NKAIN3: variants seen among roughly 807,000 people sequenced by gnomAD.
NKAIN3 encodes sodium/potassium transporting ATPase interacting 3.
Under a neutral mutation model 30.2 loss-of-function variants are expected in NKAIN3, and 25 were observed. That is an observed-to-expected ratio of 0.83 (90% CI 0.60 to 1.16). The LOEUF (loss-of-function observed/expected upper bound fraction) is 1.16, where lower values mean the gene tolerates loss of function less well. Ranked by LOEUF, NKAIN3 falls within the 50% of genes most tolerant of loss-of-function variation. The pLI is 0.00. For missense variants in NKAIN3, 225 were observed against 254.1 expected (o/e 0.89, Z 0.78); for synonymous variants, 91 against 89.6 (o/e 1.02, Z -0.09).
chr8:62,988,114 A>T (rs1463868784), downstream of NKAIN3, among the ~76,000 whole-genome samples: 2 of 152,212 alleles, frequency 1.3e-5, no homozygotes, highest in African/African-American at 4.8e-5. Flanking sequence ...GGTCACAGTG[A>T]TGCAAGAGGT....
At chr8:62,812,331 T>C (rs1035301323) in intron 4 of NKAIN3, among the ~76,000 whole-genome samples, 1 of 151,890 alleles carries the variant, frequency 6.6e-6, no homozygotes, top group African/African-American at 2.4e-5. Context: ...CATTTTCATA[T>C]ATATTTTAGA....
At chr8:62,792,448 A>G (rs933435796) in intron 4 of NKAIN3, among the ~76,000 whole-genome samples, 2 of 21,118 alleles carry the variant, frequency 9.5e-5, no homozygotes, top group Non-Finnish European at 2.4e-4. Flanking sequence ...AGGAAATTGG[A>G]CTGTTATTTC....
At chr8:62,402,534 C>G (rs966319181) in intron 1 of NKAIN3, among the ~76,000 whole-genome samples, 3 of 149,422 alleles carry the variant, frequency 2.0e-5, no homozygotes, top group Non-Finnish European at 3.0e-5. Flanking sequence ...CCATGCCATT[C>G]TCATGATAGT....
At chr8:62,264,967 G>T (rs1812560102) in intron 1 of NKAIN3, among the ~76,000 whole-genome samples, 1 of 152,076 alleles carries the variant, frequency 6.6e-6, no homozygotes, top group Non-Finnish European at 1.5e-5. Flanking sequence ...CCACCCATAT[G>T]GCTGAGAAAG....
At chr8:62,846,042 A>G (rs1323454772) in intron 4 of NKAIN3, among the ~76,000 whole-genome samples, 5 of 152,168 alleles carry the variant, frequency 3.3e-5, no homozygotes, top group Non-Finnish European at 7.4e-5. Context: ...ATTGCTATCC[A>G]TAAGATAGAA....
intron 5 of NKAIN3, among the ~76,000 whole-genome samples, chr8:62,935,343 TTAAA>T (rs1409780795): frequency 6.6e-6 from 1 of 152,156 alleles, no homozygotes; most frequent in Non-Finnish European, 1.5e-5. Flanking sequence ...AGATAAATGT[TTAAA>T]TAAGTCAGCA....
At chr8:62,541,158 GAA>G (rs559897726) in intron 1 of NKAIN3, among the ~76,000 whole-genome samples, 1 of 147,450 alleles carries the variant, frequency 6.8e-6, no homozygotes, top group African/African-American at 2.5e-5. Context: ...AAAAATACAA[GAA>G]AAAAAAAATA....
chr8:62,264,515 C>G (rs566465090), intron 1 of NKAIN3, among the ~76,000 whole-genome samples: 1 of 152,316 alleles, frequency 6.6e-6, no homozygotes, highest in Non-Finnish European at 1.5e-5. Flanking sequence ...TCCTTCCCCA[C>G]TTGGTTCTCA....
chr8:62,267,538 T>A (rs1342223615), intron 1 of NKAIN3, among the ~76,000 whole-genome samples: 1 of 152,256 alleles, frequency 6.6e-6, no homozygotes, highest in East Asian at 1.9e-4. Flanking sequence ...CACATTGCTT[T>A]ACTTTTTAGT....
At chr8:62,737,035 C>T (rs368234508) in intron 3 of NKAIN3, among the ~76,000 whole-genome samples, 27 of 152,192 alleles carry the variant, frequency 1.8e-4, no homozygotes, top group Admixed American at 1.6e-3. Context: ...TGGGCACTCA[C>T]AGTTTTTTGG....
At chr8:62,635,970 T>G (rs1052564632) in intron 3 of NKAIN3, among the ~76,000 whole-genome samples, 5 of 152,148 alleles carry the variant, frequency 3.3e-5, no homozygotes, top group Non-Finnish European at 7.4e-5. Flanking sequence ...TTGCCCTGTC[T>G]ACACAGAATA....
At chr8:62,415,789 G>A (rs1461729261) in intron 1 of NKAIN3, among the ~76,000 whole-genome samples, 1 of 151,004 alleles carries the variant, frequency 6.6e-6, no homozygotes, top group South Asian at 2.1e-4. Flanking sequence ...ACAGAGTCTC[G>A]CTCTGTCGCC....
rs73273455 is a variant in NKAIN3, at chr8:62,565,000, C to T, written c.55-14539C>T. Among the ~76,000 whole-genome samples the T allele has an allele frequency of 1.9e-3, 288 of 152,200 alleles. 1 individual carries two copies. The highest frequency in any genetic ancestry group is 6.6e-3 in the African/African-American group (274 of 41,542). The stretch of plus-strand genomic sequence containing the variant: ...CATACATGATTTATATGCATAGCTA[C>T]ACAAGCATTTCATACACTTGGAAAA... On this transcript the variant is annotated intron_variant, in intron 1 of 6. Coordinates refer to ENST00000623646, the MANE Select transcript of NKAIN3 (RefSeq NM_001304533.3).
chr8:62,874,457 A>G (rs1381709249), intron 4 of NKAIN3, among the ~76,000 whole-genome samples: 28 of 152,216 alleles, frequency 1.8e-4, no homozygotes, highest in Admixed American at 1.8e-3. Context: ...TCCTCCCTAA[A>G]TCATTTTATG....
chr8:62,832,458 A>G (rs946843140), intron 4 of NKAIN3, among the ~76,000 whole-genome samples: 1 of 151,468 alleles, frequency 6.6e-6, no homozygotes, highest in Non-Finnish European at 1.5e-5. Context: ...CAGAGTGGCC[A>G]GGTGGATAAA....
downstream of NKAIN3, among the ~76,000 whole-genome samples, chr8:62,987,592 A>C (rs543012513): frequency 1.3e-5 from 2 of 152,210 alleles, no homozygotes; most frequent in African/African-American, 4.8e-5. Flanking sequence ...ATCAGATATC[A>C]TGAGACTAAT....
At chr8:62,435,352 G>A (rs1354758788) in intron 1 of NKAIN3, among the ~76,000 whole-genome samples, 3 of 152,230 alleles carry the variant, frequency 2.0e-5, no homozygotes, top group Non-Finnish European at 4.4e-5. Flanking sequence ...AATCTCTCCA[G>A]CATGAGCTTC....
chr8:62,892,559 AG>A (rs1201744051), intron 4 of NKAIN3, among the ~76,000 whole-genome samples: 2 of 152,222 alleles, frequency 1.3e-5, no homozygotes, highest in Admixed American at 6.5e-5. Flanking sequence ...ATATTTCTGA[AG>A]AAAATAAATA....
At chr8:62,272,316 G>C (rs1326003096) in intron 1 of NKAIN3, among the ~76,000 whole-genome samples, 1 of 152,108 alleles carries the variant, frequency 6.6e-6, no homozygotes. Flanking sequence ...GGGAGTATGG[G>C]GGATATGAGT....
Sources: gnomAD v4.1 joint callset for allele counts (sites outside exome capture counted in the v4.1 genomes callset) on GRCh38, gnomAD v4.1.1 for gene constraint, MANE v1.5 for transcripts, NCBI Gene and HGNC (gene_info 2026-07-23, HGNC 2026-07-21) for gene names.